The following MUC12 variants were observed in gnomAD, a reference collection of about 807,000 sequenced individuals.
MUC12 encodes the protein mucin-12.
A neutral mutation model predicts 230.8 loss-of-function variants in MUC12; 172 were observed. The ratio of observed to expected loss-of-function variants is 0.75; its 90% CI spans 0.66 to 0.85. The LOEUF (loss-of-function observed/expected upper bound fraction) is 0.85, where lower values mean the gene tolerates loss of function less well. Among genes scored for constraint, MUC12 ranks in the 40% least tolerant of loss-of-function variants. MUC12 has a pLI of 0.00. For synonymous variants in MUC12, 1,259 were observed against 2,401.9 expected (o/e 0.52, Z 13.91); for missense variants, 3,506 against 5,920.6 (o/e 0.59, Z 13.38).
Position 100,990,677 on chromosome 7 carries a change from C to A in MUC12, c.114C>A (p.Ser38=). The A allele has an allele frequency of 1.3e-6, 2 of 1,537,736 alleles. No individual in the cohort carries two copies. Among genetic ancestry groups the A allele is most frequent in the African/African-American group, 1.4e-5 (1 of 73,156 alleles). The part of the protein sequence containing the change: ...TSIGGNTTSA[S]TPSSSDPFTT... The stretch of plus-strand genomic sequence containing the variant: ...TTGGAGGTAATACAACTTCTGCATC[C>A]ACACCCAGTTCAAGCGACCCTTTTA... The change falls in exon 2 of 12, where the codon TCC becomes TCA. Residue 38 remains serine, a synonymous_variant. Coordinates refer to ENST00000536621, the MANE Select transcript of MUC12 (RefSeq NM_001164462.2).
rs1271149880 is a variant in MUC12, at chr7:100,991,773, ACAG to A, written c.1212_1214del (p.Ala406del). ...CACAAAATCTTCAACTCCTAGCACC[ACAG>A]CTGCCCTAGCACATACAAGCTACCA... On this transcript the variant is annotated inframe_deletion, in exon 2 of 12. Transcript: ENST00000536621. 2.6e-6 allele frequency: 4 copies of A among 1,537,946 alleles called. No homozygotes were observed. In the East Asian group the frequency reaches 9.8e-5, roughly 38 times the overall value.
chr7:101,013,884 G>T, intron 8 of MUC12, 29 bp from the exon 9 acceptor site: 2 of 1,518,044 alleles, frequency 1.3e-6, no homozygotes. Flanking sequence ...GATCCCAGGG[G>T]ATCAGCGTGA....
Position 100,990,701 on chromosome 7 carries a change from T to C in MUC12, c.138T>C (p.Phe46=). ...SASTPSSSDP[F]TTFSDYGVSV... ...CCACACCCAGTTCAAGCGACCCTTTTACCACCTTTAGTGACTATGGGGTGT... is the reference window on the plus strand; with the variant it reads ...CCACACCCAGTTCAAGCGACCCTTTCACCACCTTTAGTGACTATGGGGTGT... Residue 46 remains phenylalanine (F), a synonymous_variant, in exon 2 of 12, where the codon TTT becomes TTC. Coordinates refer to ENST00000536621, the MANE Select transcript of MUC12 (RefSeq NM_001164462.2). 1 of 1,537,920 alleles carries C rather than the reference T, an allele frequency of 6.5e-7. No homozygotes were observed. Among genetic ancestry groups the C allele is most frequent in the South Asian group, 1.2e-5 (1 of 84,062 alleles).
intron 2 of MUC12, among the ~76,000 whole-genome samples, 155 bp from the exon 3 acceptor site, chr7:101,006,316 C>T (rs1014093412): frequency 6.6e-6 from 1 of 152,082 alleles, no homozygotes; most frequent in African/African-American, 2.4e-5. Context: ...CTCCCGGGGG[C>T]AGAGGTGGCA....
At chr7:101,014,639 G>A (rs1298984693) in intron 9 of MUC12, among the ~76,000 whole-genome samples, 2 of 152,070 alleles carry the variant, frequency 1.3e-5, no homozygotes, top group Non-Finnish European at 2.9e-5. Context: ...CACCATGCCT[G>A]GCTAATTTTT....
chr7:100,989,884 G>T (rs574019249), intron 1 of MUC12, among the ~76,000 whole-genome samples: 1 of 152,010 alleles, frequency 6.6e-6, no homozygotes, highest in Admixed American at 6.6e-5. Context: ...ATAGAGATGG[G>T]GTTTCACTAT....
intron 9 of MUC12, 38 bp downstream of exon 9, chr7:101,014,112 G>T: frequency 1.3e-6 from 2 of 1,497,312 alleles, no homozygotes; most frequent in South Asian, 2.6e-5. Context: ...CCCACACAGA[G>T]GGGACAGATC....
chr7:101,015,786 C>A, intron 10 of MUC12, 95 bp downstream of exon 10: 3 of 1,165,268 alleles, frequency 2.6e-6, no homozygotes, highest in Non-Finnish European at 3.7e-6. Context: ...GGGGTCCAGC[C>A]CCCCTTTGGG....
intron 11 of MUC12, 25 bp downstream of exon 11, chr7:101,017,688 A>AC: frequency 1.3e-6 from 2 of 1,496,360 alleles, no homozygotes; most frequent in Non-Finnish European, 1.8e-6. Flanking sequence ...AGCTGCCCCC[A>AC]CCCCCTGAGG....
At chr7:100,988,030 T>C (rs992519684) in intron 1 of MUC12, among the ~76,000 whole-genome samples, 3 of 150,374 alleles carry the variant, frequency 2.0e-5, no homozygotes, top group Non-Finnish European at 4.4e-5. Context: ...CTGGGCTTGG[T>C]GGCTCACGCC....
chr7:100,977,050 CAAAAAAAAAAAAAAAAA>C (rs1157648244), intron 1 of MUC12, among the ~76,000 whole-genome samples: 2 of 62,414 alleles, frequency 3.2e-5, no homozygotes, highest in African/African-American at 6.4e-5. Context: ...GACTCCATCT[CAAAAAAAAAAAAAAAAA>C]AAAAAAAAAA....
rs1328442813 is a variant in MUC12, at chr7:101,017,614, C to T, written c.15917C>T (p.Ala5306Val). 3 of 1,536,108 alleles carry T rather than the reference C, an allele frequency of 2.0e-6. No homozygotes were observed. The highest frequency in any genetic ancestry group is 1.7e-4 in the Middle Eastern group (1 of 5,984). The change falls in exon 11 of 12, where the codon GCC becomes GTC. Residue 5306 changes from alanine to valine, a missense_variant. Transcript: ENST00000536621. ...GAGAGCAGATTCGGCCTTGAGAACG[C>T]CTACAACAACTTCCGGCCCACCCTG... is the stretch of plus-strand genomic sequence containing the variant. ...LRESRFGLEN[A>V]YNNFRPTLET...
At chr7:101,011,712 G>A (rs146001183) in intron 5 of MUC12, among the ~76,000 whole-genome samples, 368 of 152,236 alleles carry the variant, frequency 2.4e-3, no homozygotes, top group African/African-American at 8.4e-3. Flanking sequence ...ATGAGCCACC[G>A]CACTTCCTGC....
chr7:101,006,327 G>A lies in MUC12; in HGVS notation c.14957-144G>A, dbSNP rs1793749597. On this transcript the variant is annotated intron_variant, in intron 2 of 11. Coordinates refer to ENST00000536621, the MANE Select transcript of MUC12 (RefSeq NM_001164462.2). ...CTATCTCCCGGGGGCAGAGGTGGCA[G>A]CAGAGGCATCTTCATTGCTGTGCGG... is the stretch of plus-strand genomic sequence containing the variant. 7 of 622,192 alleles carry A rather than the reference G, an allele frequency of 1.1e-5. No individual in the cohort carries two copies. The South Asian group carries it at 1.3e-4, about 12-fold the overall frequency. The allele number at this position is 622,192 out of a possible 1,614,324, so 38.5% of individuals were successfully genotyped here.
Position 100,990,715 on chromosome 7 carries a change from AC to A in MUC12, c.153del (p.Tyr52MetfsTer82). 6.5e-7 allele frequency: 1 copy of A among 1,537,884 alleles called. No individual in the cohort carries two copies. Among genetic ancestry groups the A allele is most frequent in the Non-Finnish European group, 8.7e-7 (1 of 1,147,056 alleles). ...AGCGACCCTTTTACCACCTTTAGTG[AC>A]TATGGGGTGTCAGTCACATTTATCA... ...SSSDPFTTFSDYGVSVTFITG... is the reference protein window; with the variant it reads ...SSSDPFTTFSXYGVSVTFITG... On this transcript the variant is annotated frameshift_variant, in exon 2 of 12. Transcript: ENST00000536621. LOFTEE classifies it high-confidence loss of function.
At position 101,003,584 on chromosome 7, in the gene MUC12, G is replaced by A. The variant is rs374200754; in HGVS notation, c.13021G>A (p.Ala4341Thr). 213 of 1,530,212 alleles carry A rather than the reference G, an allele frequency of 1.4e-4. 18 individuals are homozygous for A. In the African/African-American group the frequency reaches 2.8e-3, roughly 20 times the overall value. 94.8% of individuals were successfully genotyped at this position (1,530,212 alleles called of 1,614,324 possible). Reference sequence around the variant, plus strand: ...GCCAAACTCGAAGGACACTACCCCTGCACCTCCTACTACCACATCAGCCTT... The same window carrying A: ...GCCAAACTCGAAGGACACTACCCCTACACCTCCTACTACCACATCAGCCTT... ...SWPNSKDTTP[A>T]PPTTTSAFVE... The change falls in exon 2 of 12, where the codon GCA (alanine) becomes ACA (threonine). Residue 4341 changes from alanine to threonine, a missense_variant. Coordinates refer to ENST00000536621, the MANE Select transcript of MUC12 (RefSeq NM_001164462.2).
Position 100,973,809 on chromosome 7 carries a change from C to T in MUC12, c.67+4120C>T, listed in dbSNP as rs150652932. 6.6e-5 allele frequency among the ~76,000 whole-genome samples: 10 copies of T among 152,138 alleles called. 1 individual carries two copies. Among genetic ancestry groups the T allele is most frequent in the African/African-American group, 2.2e-4 (9 of 41,482 alleles). ...GTGGTTCATGCCTATAATCCCAGTG[C>T]TTTGGGAGGCCCCAGCCTGGGCAAT... On this transcript the variant is annotated intron_variant, in intron 1 of 11. Transcript: ENST00000536621.
At chr7:101,008,515 C>T in intron 3 of MUC12, 119 bp from the exon 4 acceptor site, 1 of 1,354,534 alleles carries the variant, frequency 7.4e-7, no homozygotes, top group Non-Finnish European at 9.8e-7. Context: ...GAACAGTGAC[C>T]CCACCTTCCT....
rs774002560 is a variant in MUC12, at chr7:100,993,081, G to C, written c.2518G>C (p.Ala840Pro). ...PRSPATTLSP[A>P]STTSSGVSEE... is the part of the protein sequence containing the mutation. ...ATCACCAGCCACAACACTCTCACCT[G>C]CCAGCACGACAAGCTCAGGCGTCAG... The change falls in exon 2 of 12, where the codon GCC becomes CCC. Residue 840 changes from alanine (A) to proline (P), a missense_variant. Ala to Pro is a conservative substitution (Grantham distance 27). Transcript: ENST00000536621. The C allele has an allele frequency of 1.5e-5, 23 of 1,533,428 alleles. No homozygotes were observed. Among genetic ancestry groups the C allele is most frequent in the Non-Finnish European group, 1.7e-6 (2 of 1,146,724 alleles). The allele number at this position is 1,533,428 out of a possible 1,614,324, so 95.0% of individuals were successfully genotyped here. A position where few individuals can be genotyped will look rare whatever the true frequency, so the allele number is the denominator to read the frequency against.
Sources: gnomAD v4.1 joint callset for allele counts (sites outside exome capture counted in the v4.1 genomes callset) on GRCh38, gnomAD v4.1.1 for gene constraint, MANE v1.5 for transcripts, NCBI Gene and HGNC (gene_info 2026-07-23, HGNC 2026-07-21) for gene names.